PPFIBP2: variants seen among roughly 807,000 people sequenced by gnomAD.
PPFIBP2 encodes the protein PPFIB scaffold protein 2, also known as liprin-beta-2.
Under a neutral mutation model 118.3 loss-of-function variants are expected in PPFIBP2, and 118 were observed. The ratio of observed to expected loss-of-function variants is 1.00; its 90% CI spans 0.86 to 1.16. The LOEUF (loss-of-function observed/expected upper bound fraction) is 1.16, where lower values mean the gene tolerates loss of function less well. PPFIBP2 is among the 50% of genes most tolerant of loss of function. The pLI is 0.00. For missense variants in PPFIBP2, 1,195 were observed against 1,073.1 expected, an observed-to-expected ratio of 1.11 and a Z score of -1.59; for synonymous variants, 414 against 397.4, an observed-to-expected ratio of 1.04 and a Z score of -0.50.
downstream of PPFIBP2, among the ~76,000 whole-genome samples, chr11:7,657,976 G>A (rs1163831942): frequency 3.3e-5 from 5 of 152,232 alleles, no homozygotes; most frequent in Non-Finnish European, 7.3e-5. Context: ...TCCTTCGCAT[G>A]TGTGTGTTAA....
At chr11:7,649,084 T>C (rs1420547546) in intron 19 of PPFIBP2, 63 bp from the exon 20 acceptor site, 1 of 1,506,152 alleles carries the variant, frequency 6.6e-7, no homozygotes. Context: ...CTCCCCTTTT[T>C]TTGGTGTCTA....
chr11:7,602,202 TCA>T (rs1251188403), intron 5 of PPFIBP2, among the ~76,000 whole-genome samples: 5 of 151,256 alleles, frequency 3.3e-5, no homozygotes, highest in Non-Finnish European at 7.4e-5. Context: ...AAAATAGAAC[TCA>T]CAGTGCTGGG....
intron 22 of PPFIBP2, chr11:7,651,452 T>C: frequency 4.0e-6 from 2 of 498,534 alleles, no homozygotes; most frequent in South Asian, 8.0e-5. Context: ...GAAAACAAGG[T>C]GGTCAGTCAG....
rs1159007308 is a variant in PPFIBP2, at chr11:7,577,321, G to A, written c.279+11554G>A. The A allele has an allele frequency of 3.0e-5, 5 of 166,776 alleles. No individual in the cohort carries two copies. In the East Asian group the frequency reaches 4.6e-4, roughly 15 times the overall value. The allele number at this position is 166,776 out of a possible 1,614,324, so 10.3% of individuals were successfully genotyped here. On this transcript the variant is annotated intron_variant, in intron 3 of 23. Transcript: ENST00000299492. ...GGTGCGTGTGCGTGCATGTATGTGCGTGTGTGTGTGTGTGTGTGTGTGTGT... is the reference window on the plus strand; with the variant it reads ...GGTGCGTGTGCGTGCATGTATGTGCATGTGTGTGTGTGTGTGTGTGTGTGT...
chr11:7,515,747 G>T (rs1274884044), intron 1 of PPFIBP2, among the ~76,000 whole-genome samples: 1 of 152,172 alleles, frequency 6.6e-6, no homozygotes, highest in Non-Finnish European at 1.5e-5. Flanking sequence ...TGGTCTGAAG[G>T]CACAGCAGGG....
rs189861226 is a variant in PPFIBP2 at position 7,639,847 on chromosome 11, C to T, written c.1352C>T (p.Thr451Met). ...CCCACCATCTGCCAGCCTGACGCCA[C>T]GGGGAGCAGCCTGCTGAGGCTGAGT... ...SPPTICQPDA[T>M]GSSLLRLRDT... Residue 451 changes from threonine (T) to methionine (M), a missense_variant, in exon 15 of 24, where the codon ACG becomes ATG. Physicochemically the swap from Thr to Met is moderately conservative, Grantham distance 81 (BLOSUM62 -1). Transcript: ENST00000299492. 10 of 1,614,126 alleles carry T rather than the reference C, an allele frequency of 6.2e-6. No homozygotes were observed. Among genetic ancestry groups the T allele is most frequent in the Non-Finnish European group, 6.8e-6 (8 of 1,180,018 alleles).
At chr11:7,520,578 T>C (rs1849667512) in intron 1 of PPFIBP2, among the ~76,000 whole-genome samples, 1 of 151,982 alleles carries the variant, frequency 6.6e-6, no homozygotes, top group African/African-American at 2.4e-5. Flanking sequence ...CTGGTGGATA[T>C]CCTAATGCAA....
chr11:7,651,351 G>T (rs777312434), intron 22 of PPFIBP2: 2 of 373,794 alleles, frequency 5.4e-6, no homozygotes, highest in African/African-American at 2.0e-5. Flanking sequence ...AGCCAGAGGG[G>T]AAATGAGGAA....
chr11:7,526,152 G>T (rs1850207254), intron 1 of PPFIBP2, among the ~76,000 whole-genome samples: 1 of 152,152 alleles, frequency 6.6e-6, no homozygotes, highest in Non-Finnish European at 1.5e-5. Context: ...GACTAGAGAG[G>T]AGTTTATGAA....
chr11:7,652,967 C>A, intron 23 of PPFIBP2, 57 bp from the exon 24 acceptor site: 1 of 1,529,492 alleles, frequency 6.5e-7, no homozygotes, highest in South Asian at 1.3e-5. Flanking sequence ...TATTGTCAGT[C>A]ATACCTGCAC....
At position 7,641,540 on chromosome 11, in the gene PPFIBP2, G is replaced by A. The variant is rs772188385; in HGVS notation, c.1437G>A (p.Ser479=). Residue 479 remains serine, a synonymous_variant, in exon 16 of 24, where the codon TCG becomes TCA. Coordinates refer to ENST00000299492, the MANE Select transcript of PPFIBP2 (RefSeq NM_003621.5). ...AVVNDLSSTS[S]GTESGPQSPL... is the part of the protein sequence containing the mutation. ...TCAATGACCTCTCATCCACATCATC[G>A]GGCACTGAATCAGGTCCTCAGTCTC... 2.9e-5 allele frequency: 46 copies of A among 1,613,506 alleles called. No individual in the cohort carries two copies. Among genetic ancestry groups the A allele is most frequent in the Middle Eastern group, 3.3e-4 (2 of 6,080 alleles).
At chr11:7,602,842 G>T (rs1295345982) in intron 5 of PPFIBP2, among the ~76,000 whole-genome samples, 1 of 152,148 alleles carries the variant, frequency 6.6e-6, no homozygotes, top group Non-Finnish European at 1.5e-5. Flanking sequence ...TCATGGATAT[G>T]GGTTTCTATA....
intron 18 of PPFIBP2, 88 bp from the exon 19 acceptor site, chr11:7,648,712 T>C: frequency 7.0e-7 from 1 of 1,438,138 alleles, no homozygotes. Context: ...ACTGCCATAC[T>C]CAGAGCATCT....
rs72851307 is a variant in PPFIBP2 at position 7,630,865 on chromosome 11, C to G, written c.965-60C>G. 1.2e-5 allele frequency: 15 copies of G among 1,214,002 alleles called. No homozygotes were observed. In the East Asian group the frequency reaches 3.5e-4, roughly 28 times the overall value. The allele number at this position is 1,214,002 out of a possible 1,614,324, so 75.2% of individuals were successfully genotyped here. ...GAAACAATGTTAGAATTTTGTGGTA[C>G]GATTATAGGTTTCTGAACATGAATT... On this transcript the variant is annotated intron_variant, in intron 10 of 23. Coordinates refer to ENST00000299492, the MANE Select transcript of PPFIBP2 (RefSeq NM_003621.5).
chr11:7,535,300 A>G (rs1443828040), intron 1 of PPFIBP2, among the ~76,000 whole-genome samples: 1 of 152,142 alleles, frequency 6.6e-6, no homozygotes. Flanking sequence ...ATGGACAGAG[A>G]TTGGGGAAGG....
At chr11:7,568,876 G>A (rs1855315333) in intron 3 of PPFIBP2, 1 of 152,210 alleles carries the variant, frequency 6.6e-6, no homozygotes, top group African/African-American at 2.4e-5. Flanking sequence ...AGACATTAAA[G>A]ACTTTTAATT....
intron 6 of PPFIBP2, among the ~76,000 whole-genome samples, chr11:7,614,057 G>T (rs1848364348): frequency 6.6e-6 from 1 of 152,214 alleles, no homozygotes; most frequent in African/African-American, 2.4e-5. Flanking sequence ...GATGGACTTG[G>T]AACACAGAGT....
chr11:7,606,526 T>C lies in PPFIBP2; in HGVS notation c.487-3765T>C, dbSNP rs147093431. ...AGGTAGAAGCACATGCTAATAGATA[T>C]AAGCTAGAAGAGAATAAGTAAATGT... On this transcript the variant is annotated intron_variant, in intron 5 of 23. Transcript: ENST00000299492. Among the ~76,000 whole-genome samples, 19 of 152,316 alleles carry C rather than the reference T, an allele frequency of 1.2e-4. 1 individual carries two copies. In the South Asian group the frequency reaches 3.7e-3, roughly 30 times the overall value.
At chr11:7,579,957 A>T (rs1345400621) in intron 3 of PPFIBP2, among the ~76,000 whole-genome samples, 1 of 152,228 alleles carries the variant, frequency 6.6e-6, no homozygotes, top group East Asian at 1.9e-4. Flanking sequence ...TCTTAAAAAA[A>T]AAAACAAAAA....
Sources: allele counts gnomAD v4.1 joint callset (sites outside exome capture counted in the v4.1 genomes callset), GRCh38; gene constraint gnomAD v4.1.1; transcripts MANE v1.5; gene names NCBI Gene and HGNC (gene_info 2026-07-23, HGNC 2026-07-21).